TMEM100: variants seen among roughly 807,000 people sequenced by gnomAD.
The protein encoded by TMEM100 is transmembrane protein 100.
For missense variants in TMEM100, 137 were observed against 168.2 expected (o/e 0.81, Z 1.02); for synonymous variants, 61 against 67.1 (o/e 0.91, Z 0.44).
upstream of TMEM100, among the ~76,000 whole-genome samples, chr17:55,726,743 A>G (rs1402585516): frequency 6.6e-6 from 1 of 152,098 alleles, no homozygotes; most frequent in African/African-American, 2.4e-5. Context: ...GCTTCTTTTA[A>G]GGGTGTGCCT....
upstream of TMEM100, among the ~76,000 whole-genome samples, chr17:55,727,356 A>G (rs138359556): frequency 6.6e-6 from 1 of 152,364 alleles, no homozygotes; most frequent in East Asian, 1.9e-4. Flanking sequence ...CTTTCCTAAG[A>G]CAAATGCACA....
upstream of TMEM100, among the ~76,000 whole-genome samples, chr17:55,725,948 A>G (rs1270368810): frequency 6.6e-6 from 1 of 152,144 alleles, no homozygotes; most frequent in East Asian, 1.9e-4. Context: ...CTAAGGGAGT[A>G]TGGGGTTGGA....
At chr17:55,724,410 CT>C (rs757054490), upstream of TMEM100, among the ~76,000 whole-genome samples, 1 of 152,202 alleles carries the variant, frequency 6.6e-6, no homozygotes, top group Non-Finnish European at 1.5e-5. Flanking sequence ...GATCCTCACA[CT>C]TTAAAAATGT....
chr17:55,723,875 A>T (rs1164098095), upstream of TMEM100, among the ~76,000 whole-genome samples: 5 of 152,066 alleles, frequency 3.3e-5, no homozygotes, highest in Non-Finnish European at 7.4e-5. Flanking sequence ...TCTATTTCCC[A>T]CCCCATAAAC....
rs1597952458 is a variant in TMEM100, at chr17:55,719,649, T to C, written c.*1017A>G. The C allele has an allele frequency of 1.3e-5, 2 of 152,332 alleles. No individual in the cohort carries two copies. The highest frequency in any genetic ancestry group is 4.8e-5 in the African/African-American group (2 of 41,568). 9.4% of individuals were successfully genotyped at this position (152,332 alleles called of 1,614,324 possible). On this transcript the variant is annotated 3_prime_UTR_variant, in exon 2 of 2. Transcript: ENST00000424486. ...TGATTCCACAAAAATGTAATATACA[T>C]TTAATAGCACATTATAAAGTTCCTG...
chr17:55,727,834 C>T (rs1299769125), upstream of TMEM100: 2 of 152,258 alleles, frequency 1.3e-5, no homozygotes, highest in South Asian at 2.1e-4. Flanking sequence ...TTAGGTAGCA[C>T]TGGCCTTAAA....
chr17:55,723,514 T>C (rs899549483), upstream of TMEM100, among the ~76,000 whole-genome samples: 1 of 152,200 alleles, frequency 6.6e-6, no homozygotes, highest in African/African-American at 2.4e-5. Context: ...TCATGATAAT[T>C]GCTACCATTT....
upstream of TMEM100, among the ~76,000 whole-genome samples, chr17:55,726,000 T>C (rs78694700): frequency 1.4e-3 from 206 of 152,218 alleles, 2 homozygotes; most frequent in East Asian, 0.033. Flanking sequence ...CCATCCTCTT[T>C]CCCAATAACA....
intron 1 of TMEM100, among the ~76,000 whole-genome samples, chr17:55,730,387 A>G (rs555312832): frequency 4.6e-4 from 70 of 152,302 alleles, no homozygotes; most frequent in African/African-American, 1.5e-3. Flanking sequence ...TAATTTATAA[A>G]TGAATAGTAA....
Position 55,721,092 on chromosome 17 carries a change from C to T in TMEM100, c.-22G>A, listed in dbSNP as rs1908871150. On this transcript the variant is annotated 5_prime_UTR_variant, in exon 2 of 2. Coordinates refer to ENST00000424486, the MANE Select transcript of TMEM100 (RefSeq NM_018286.3). Reference sequence around the variant, plus strand: ...TCATTTTTACAACAGTGCTTCTAAGCTGGGTTTACAGACTAGATCTGGACA... The same window carrying T: ...TCATTTTTACAACAGTGCTTCTAAGTTGGGTTTACAGACTAGATCTGGACA... 1 of 1,589,310 alleles carries T rather than the reference C, an allele frequency of 6.3e-7. No individual in the cohort carries two copies. Among genetic ancestry groups the T allele is most frequent in the East Asian group, 2.2e-5 (1 of 44,802 alleles).
upstream of TMEM100, among the ~76,000 whole-genome samples, chr17:55,726,125 T>C (rs755873601): frequency 1.5e-4 from 23 of 152,176 alleles, no homozygotes; most frequent in Non-Finnish European, 2.6e-4. Context: ...GTGCTCTTCA[T>C]TGGAGGATGT....
At chr17:55,723,538 T>G (rs1270937477), upstream of TMEM100, among the ~76,000 whole-genome samples, 5 of 152,230 alleles carry the variant, frequency 3.3e-5, 1 homozygote, top group East Asian at 9.6e-4. Flanking sequence ...GAGCACCTAC[T>G]GTGGACATGG....
chr17:55,730,092 T>C (rs1317363674), intron 1 of TMEM100, among the ~76,000 whole-genome samples: 1 of 152,212 alleles, frequency 6.6e-6, no homozygotes. Flanking sequence ...TGGAATGTCC[T>C]GTTTTGGGCC....
At chr17:55,730,676 GGGA>G (rs1366246593) in intron 1 of TMEM100, among the ~76,000 whole-genome samples, 1 of 152,096 alleles carries the variant, frequency 6.6e-6, no homozygotes, top group Non-Finnish European at 1.5e-5. Context: ...CAAATCTTTT[GGGA>G]GCATTTTTAT....
In TMEM100 at chr17:55,721,096, G is replaced by C; in HGVS notation, c.-26C>G. 6.3e-7 allele frequency: 1 copy of C among 1,585,740 alleles called. No individual in the cohort carries two copies. The highest frequency in any genetic ancestry group is 1.2e-5 in the South Asian group (1 of 84,820). On this transcript the variant is annotated 5_prime_UTR_variant, in exon 2 of 2. Coordinates refer to ENST00000424486, the MANE Select transcript of TMEM100 (RefSeq NM_018286.3). ...TTTTACAACAGTGCTTCTAAGCTGG[G>C]TTTACAGACTAGATCTGGACAGTCT...
intron 1 of TMEM100, among the ~76,000 whole-genome samples, chr17:55,722,374 C>T (rs961613739): frequency 3.3e-5 from 5 of 152,244 alleles, no homozygotes; most frequent in African/African-American, 1.2e-4. Flanking sequence ...CTCACTGGTT[C>T]TTCCCTGCTC....
chr17:55,721,183 C>T (rs938932719), intron 1 of TMEM100, 48 bp from the exon 2 acceptor site: 2 of 1,281,542 alleles, frequency 1.6e-6, no homozygotes, highest in African/African-American at 3.0e-5. Flanking sequence ...GAATGTACAC[C>T]CTGTAAGCAG....
rs1048809728 is a variant in TMEM100 at position 55,720,209 on chromosome 17, A to T, written c.*457T>A. 1 of 154,502 alleles carries T rather than the reference A, an allele frequency of 6.5e-6. No individual in the cohort carries two copies. Among genetic ancestry groups the T allele is most frequent in the Non-Finnish European group, 1.4e-5 (1 of 69,686 alleles). The allele number at this position is 154,502 out of a possible 1,614,324, so 9.6% of individuals were successfully genotyped here. The stretch of plus-strand genomic sequence containing the variant: ...CCAGTGAATCAATGTATTGAAAAAA[A>T]TTATCACAGAATTTCATAGACATAT... On this transcript the variant is annotated 3_prime_UTR_variant, in exon 2 of 2. Coordinates refer to ENST00000424486, the MANE Select transcript of TMEM100 (RefSeq NM_018286.3).
At position 55,722,801 on chromosome 17, in the gene TMEM100, G is replaced by A. The variant is rs1280677069; in HGVS notation, c.-248C>T. On this transcript the variant is annotated 5_prime_UTR_variant, in exon 1 of 2. Transcript: ENST00000424486. ...AGATGTAAAAATACTTTACTATAGG[G>A]TCTGCTCTGGTTTGGGATCCTGGAG... The A allele has an allele frequency of 2.0e-5, 3 of 152,252 alleles. No homozygotes were observed. The East Asian group carries it at 5.8e-4, about 29-fold the overall frequency. 9.4% of individuals were successfully genotyped at this position (152,252 alleles called of 1,614,324 possible).
Sources: gnomAD v4.1 joint callset for allele counts (sites outside exome capture counted in the v4.1 genomes callset) on GRCh38, gnomAD v4.1.1 for gene constraint, MANE v1.5 for transcripts, NCBI Gene and HGNC (gene_info 2026-07-23, HGNC 2026-07-21) for gene names.